The following ROBO2 variants were observed in gnomAD, a reference collection of about 807,000 sequenced individuals.
ROBO2 encodes the protein roundabout guidance receptor 2, also known as roundabout homolog 2.
A neutral mutation model predicts 160.8 loss-of-function variants in ROBO2; 53 were observed. That is an observed-to-expected ratio of 0.33 (90% CI 0.26 to 0.41). ROBO2 has a LOEUF of 0.41. Among genes scored for constraint, ROBO2 ranks in the 10% least tolerant of loss-of-function variants. ROBO2 has a pLI of 1.00. For missense variants in ROBO2, 1,577 were observed against 1,722.4 expected (o/e 0.92, Z 1.49); for synonymous variants, 664 against 611.7 (o/e 1.09, Z -1.26).
rs143910505 is a variant in ROBO2 at position 77,179,757 on chromosome 3, A to G, written c.388+81417A>G. 3.7e-3 allele frequency among the ~76,000 whole-genome samples: 556 copies of G among 152,306 alleles called. 3 individuals are homozygous for G. Among genetic ancestry groups the G allele is most frequent in the Middle Eastern group, 0.014 (4 of 294 alleles). ...ACAAATGAGTAAACATAAACAAAACAGAAACAAAGATTGGCCTTTATGGAG... is the reference window on the plus strand; with the variant it reads ...ACAAATGAGTAAACATAAACAAAACGGAAACAAAGATTGGCCTTTATGGAG... On this transcript the variant is annotated intron_variant, in intron 2 of 25. Transcript: ENST00000461745.
intron 17 of ROBO2, among the ~76,000 whole-genome samples, chr3:77,590,139 C>T (rs1162857155): frequency 1.3e-5 from 2 of 152,066 alleles, no homozygotes; most frequent in African/African-American, 2.4e-5. Flanking sequence ...AGCATTGTAG[C>T]TTGTGTCTAT....
intron 2 of ROBO2, among the ~76,000 whole-genome samples, chr3:77,259,655 C>A (rs1402581482): frequency 1.3e-5 from 2 of 152,154 alleles, no homozygotes; most frequent in Non-Finnish European, 2.9e-5. Context: ...AACCCTTATT[C>A]TCTGAAAGTT....
chr3:77,438,140 T>G (rs2079502593), intron 2 of ROBO2, among the ~76,000 whole-genome samples: 1 of 141,948 alleles, frequency 7.0e-6, no homozygotes, highest in Admixed American at 6.9e-5. Flanking sequence ...TTGGAAAATG[T>G]GCTTGCACGC....
chr3:76,649,033 A>T (rs915787365), intron 2 of ROBO2, among the ~76,000 whole-genome samples: 2 of 152,098 alleles, frequency 1.3e-5, no homozygotes, highest in South Asian at 4.1e-4. Flanking sequence ...CAGGAAATGG[A>T]ATCTCTTTCA....
intron 2 of ROBO2, among the ~76,000 whole-genome samples, chr3:76,567,856 C>T (rs1259749225): frequency 5.7e-5 from 8 of 139,170 alleles, no homozygotes; most frequent in Non-Finnish European, 1.2e-4. Context: ...GCTCTGTTGC[C>T]CAGGCTGGAG....
At chr3:76,373,464 A>G (rs1023075251) in intron 2 of ROBO2, among the ~76,000 whole-genome samples, 2 of 151,736 alleles carry the variant, frequency 1.3e-5, no homozygotes, top group Non-Finnish European at 2.9e-5. Flanking sequence ...TTTCATGGAC[A>G]CTCTTGGATG....
At chr3:76,138,543 A>T (rs1421942920) in intron 2 of ROBO2, among the ~76,000 whole-genome samples, 1 of 152,200 alleles carries the variant, frequency 6.6e-6, no homozygotes, top group East Asian at 1.9e-4. Context: ...AGATTTTCTG[A>T]AAATTAAGAC....
In ROBO2 at chr3:76,332,747, AT is replaced by A. The variant is rs200048105; in HGVS notation, c.109+395154del. Among the ~76,000 whole-genome samples, 1,052 of 151,784 alleles carry A rather than the reference AT, an allele frequency of 6.9e-3. 13 individuals are homozygous for A. The highest frequency in any genetic ancestry group is 0.023 in the African/African-American group (971 of 41,376). On this transcript the variant is annotated intron_variant, in intron 2 of 26. Transcript: ENST00000487694. Reference sequence around the variant, plus strand: ...CCACCTCTGTGGCCACATAAAAATAATTTTTTTTTCCTTCAAAATATATTTA... The same window carrying A: ...CCACCTCTGTGGCCACATAAAAATAATTTTTTTTCCTTCAAAATATATTTA...
intron 22 of ROBO2, 111 bp downstream of exon 23, chr3:77,617,884 A>G: frequency 8.5e-7 from 1 of 1,173,880 alleles, no homozygotes; most frequent in Admixed American, 2.0e-5. Context: ...GTTAAAAGTG[A>G]TTTTGTATGA....
At chr3:76,918,095 TA>T (rs2076434608) in intron 2 of ROBO2, among the ~76,000 whole-genome samples, 1 of 152,152 alleles carries the variant, frequency 6.6e-6, no homozygotes, top group Non-Finnish European at 1.5e-5. Context: ...TTAAAAGTAA[TA>T]AAATATGAAC....
intron 2 of ROBO2, among the ~76,000 whole-genome samples, chr3:77,293,013 A>G (rs534376046): frequency 2.6e-5 from 4 of 151,836 alleles, no homozygotes; most frequent in African/African-American, 9.6e-5. Context: ...AGCTGAGGCT[A>G]GATCACCAAA....
At chr3:76,849,003 A>C (rs1466446319) in intron 2 of ROBO2, among the ~76,000 whole-genome samples, 1 of 152,200 alleles carries the variant, frequency 6.6e-6, no homozygotes, top group Non-Finnish European at 1.5e-5. Flanking sequence ...AAAGTTATAA[A>C]AAGTTTTTTA....
intron 2 of ROBO2, among the ~76,000 whole-genome samples, chr3:76,162,568 C>T (rs943949321): frequency 6.6e-6 from 1 of 152,138 alleles, no homozygotes; most frequent in Non-Finnish European, 1.5e-5. Context: ...CTGCCTCAGC[C>T]TCCCAAGGTT....
At chr3:77,311,881 G>A (rs770975374) in intron 2 of ROBO2, among the ~76,000 whole-genome samples, 14 of 152,144 alleles carry the variant, frequency 9.2e-5, no homozygotes, top group Non-Finnish European at 1.6e-4. Flanking sequence ...GAGGTCAGGA[G>A]TTGGAGACTA....
chr3:76,899,765 T>A (rs2075087004), intron 2 of ROBO2, among the ~76,000 whole-genome samples: 1 of 152,134 alleles, frequency 6.6e-6, no homozygotes, highest in African/African-American at 2.4e-5. Context: ...TTCATGGGCC[T>A]TGTACCATTT....
chr3:77,016,308 G>A (rs2149485872), intron 2 of ROBO2, among the ~76,000 whole-genome samples: 1 of 152,236 alleles, frequency 6.6e-6, no homozygotes, highest in Middle Eastern at 3.4e-3. Context: ...GAGTTTCAGA[G>A]TTTTGCACTT....
intron 14 of ROBO2, among the ~76,000 whole-genome samples, chr3:77,575,066 TG>T (rs2093726922): frequency 6.6e-6 from 1 of 152,128 alleles, no homozygotes; most frequent in South Asian, 2.1e-4. Context: ...GAACACAGGC[TG>T]TTCATTGTGA....
At chr3:75,962,938 C>T (rs1248766144) in intron 2 of ROBO2, among the ~76,000 whole-genome samples, 1 of 151,762 alleles carries the variant, frequency 6.6e-6, no homozygotes, top group Non-Finnish European at 1.5e-5. Context: ...TGACTGATCT[C>T]ATTAACGATC....
intron 2 of ROBO2, among the ~76,000 whole-genome samples, chr3:76,968,370 G>A (rs930131489): frequency 6.6e-6 from 1 of 152,090 alleles, no homozygotes; most frequent in Non-Finnish European, 1.5e-5. Flanking sequence ...CATGTAGTTA[G>A]TATATGTAAC....
Sources: gnomAD v4.1 joint callset for allele counts (sites outside exome capture counted in the v4.1 genomes callset) on GRCh38, gnomAD v4.1.1 for gene constraint, MANE v1.5 for transcripts, NCBI Gene and HGNC (gene_info 2026-07-23, HGNC 2026-07-21) for gene names.